The following STPG2 variants were observed in gnomAD, a reference collection of about 807,000 sequenced individuals.
The protein encoded by STPG2 is sperm-tail PG-rich repeat-containing protein 2.
Under a neutral mutation model 54.2 loss-of-function variants are expected in STPG2, and 56 were observed. That is an observed-to-expected ratio of 1.03 (90% CI 0.83 to 1.29). STPG2 has a LOEUF of 1.29. Among genes scored for constraint, STPG2 ranks in the 50% most tolerant of loss-of-function variants. STPG2 has a pLI of 0.00. For synonymous variants in STPG2, 200 were observed against 181.8 expected, an observed-to-expected ratio of 1.10 and a Z score of -0.81; for missense variants, 596 against 544.9, an observed-to-expected ratio of 1.09 and a Z score of -0.93.
At chr4:97,754,892 T>C (rs577657915) in intron 9 of STPG2, among the ~76,000 whole-genome samples, 2 of 152,248 alleles carry the variant, frequency 1.3e-5, no homozygotes, top group South Asian at 2.1e-4. Flanking sequence ...GTGGAAATCA[T>C]TGAGGCCATC....
intron 9 of STPG2, among the ~76,000 whole-genome samples, chr4:97,778,306 G>A (rs1257660348): frequency 1.3e-5 from 2 of 152,146 alleles, no homozygotes; most frequent in African/African-American, 2.4e-5. Context: ...CTGGCTCGGA[G>A]GGTCCCATGC....
intron 10 of STPG2, chr4:97,633,610 C>T (rs1015723899): frequency 6.6e-6 from 1 of 152,150 alleles, no homozygotes; most frequent in Non-Finnish European, 1.5e-5. Context: ...GAGTGCCAGA[C>T]AGTGGGCGCA....
At chr4:97,938,120 G>C (rs764372615) in intron 8 of STPG2, among the ~76,000 whole-genome samples, 1 of 152,170 alleles carries the variant, frequency 6.6e-6, no homozygotes, top group Non-Finnish European at 1.5e-5. Context: ...GCCTCACCCA[G>C]AGAGCAGGGA....
At chr4:97,638,251 C>T (rs1454460384) in intron 10 of STPG2, among the ~76,000 whole-genome samples, 5 of 152,104 alleles carry the variant, frequency 3.3e-5, no homozygotes, top group African/African-American at 1.2e-4. Flanking sequence ...GGAAAGGATT[C>T]CCTATTTAAT....
chr4:97,633,838 T>A (rs181441084), intron 10 of STPG2: 1 of 155,852 alleles, frequency 6.4e-6, no homozygotes, highest in Non-Finnish European at 1.4e-5. Context: ...GCTCTGAGGG[T>A]CCTACCCCAC....
At chr4:98,054,449 A>T (rs187945785) in intron 5 of STPG2, among the ~76,000 whole-genome samples, 241 of 152,320 alleles carry the variant, frequency 1.6e-3, no homozygotes, top group African/African-American at 5.7e-3. Flanking sequence ...AGCAAAAATA[A>T]CTAATATAAC....
At chr4:98,049,358 A>C (rs1560654631) in intron 5 of STPG2, among the ~76,000 whole-genome samples, 1 of 152,186 alleles carries the variant, frequency 6.6e-6, no homozygotes, top group Non-Finnish European at 1.5e-5. Flanking sequence ...CTTCAGAATA[A>C]AAATAAACAC....
chr4:97,569,842 G>A (rs1292693844), intron 10 of STPG2, among the ~76,000 whole-genome samples: 3 of 151,794 alleles, frequency 2.0e-5, no homozygotes, highest in Non-Finnish European at 2.9e-5. Flanking sequence ...AATTATAAAA[G>A]GAAATGATAT....
intron 10 of STPG2, among the ~76,000 whole-genome samples, chr4:97,571,398 G>A (rs893950834): frequency 1.3e-5 from 2 of 152,046 alleles, no homozygotes; most frequent in Admixed American, 6.6e-5. Flanking sequence ...AGTGGAGGTC[G>A]AACGTGCCTC....
intron 5 of STPG2, among the ~76,000 whole-genome samples, chr4:98,061,633 A>C (rs1737662913): frequency 1.3e-5 from 2 of 152,190 alleles, no homozygotes; most frequent in African/African-American, 2.4e-5. Flanking sequence ...AAAGTGAGCA[A>C]AGTACATGAA....
chr4:97,621,508 T>C (rs1174695877), intron 10 of STPG2, among the ~76,000 whole-genome samples: 4 of 152,032 alleles, frequency 2.6e-5, no homozygotes, highest in Non-Finnish European at 5.9e-5. Context: ...TACTTCTACG[T>C]ACACAAATTA....
intron 9 of STPG2, among the ~76,000 whole-genome samples, chr4:97,729,335 G>C (rs1172958759): frequency 3.3e-5 from 5 of 151,860 alleles, no homozygotes; most frequent in Non-Finnish European, 7.4e-5. Flanking sequence ...CATGTTTTTT[G>C]CCATTCTTTA....
intron 5 of STPG2, among the ~76,000 whole-genome samples, chr4:98,100,141 A>G (rs1738984025): frequency 6.6e-6 from 1 of 152,162 alleles, no homozygotes; most frequent in South Asian, 2.1e-4. Context: ...GATAAATACA[A>G]AGAAAGAAAA....
chr4:97,880,233 G>A (rs774025732), intron 8 of STPG2, among the ~76,000 whole-genome samples: 25 of 152,164 alleles, frequency 1.6e-4, no homozygotes, highest in Non-Finnish European at 3.1e-4. Flanking sequence ...TCACTTACAT[G>A]TGAAATATAA....
intron 5 of STPG2, among the ~76,000 whole-genome samples, chr4:98,001,053 C>T (rs1427161030): frequency 6.6e-6 from 1 of 152,032 alleles, no homozygotes; most frequent in Non-Finnish European, 1.5e-5. Context: ...GATGAAAAGC[C>T]ACTTTGATTC....
At chr4:98,106,819 T>A (rs982643273) in intron 4 of STPG2, among the ~76,000 whole-genome samples, 4 of 152,292 alleles carry the variant, frequency 2.6e-5, no homozygotes, top group African/African-American at 9.6e-5. Flanking sequence ...AACTGTTAGC[T>A]ATTATTATTG....
chr4:97,586,456 A>T (rs1361252937), intron 10 of STPG2, among the ~76,000 whole-genome samples: 2 of 152,018 alleles, frequency 1.3e-5, no homozygotes, highest in African/African-American at 4.8e-5. Context: ...AAGACACATA[A>T]TTACATATTC....
chr4:97,613,475 C>CGTGTGTGTGTGT (rs70953075), intron 10 of STPG2, among the ~76,000 whole-genome samples: 1 of 142,246 alleles, frequency 7.0e-6, no homozygotes, highest in Admixed American at 7.1e-5. Context: ...AGTCATCACC[C>CGTGTGTGTGTGT]GTGTGTGTGT....
At chr4:97,479,483 C>G (rs1463025947) in intron 4 of STPG2, among the ~76,000 whole-genome samples, 1 of 151,860 alleles carries the variant, frequency 6.6e-6, no homozygotes, top group African/African-American at 2.4e-5. Context: ...TCAAAGAATA[C>G]TACATAAAGA....
Sources: gnomAD v4.1 joint callset for allele counts (sites outside exome capture counted in the v4.1 genomes callset) on GRCh38, gnomAD v4.1.1 for gene constraint, MANE v1.5 for transcripts, NCBI Gene and HGNC (gene_info 2026-07-23, HGNC 2026-07-21) for gene names.